Variants in RPS6KA2 observed in about 807,000 individuals in gnomAD.
RPS6KA2 encodes the protein ribosomal protein S6 kinase alpha-2.
In RPS6KA2, 42 loss-of-function variants were observed where a neutral mutation model predicts 91.8. The observed-to-expected ratio is 0.46, with a 90% CI of 0.36 to 0.59. The LOEUF (loss-of-function observed/expected upper bound fraction) is 0.59. RPS6KA2 is among the 20% of genes least tolerant of loss of function. The pLI is 0.00. For missense variants in RPS6KA2, 798 were observed against 978.5 expected, an observed-to-expected ratio of 0.82 and a Z score of 2.46; for synonymous variants, 414 against 393.6, an observed-to-expected ratio of 1.05 and a Z score of -0.61.
chr6:166,672,488 C>T (rs1291019396), intron 2 of RPS6KA2, among the ~76,000 whole-genome samples: 1 of 152,200 alleles, frequency 6.6e-6, no homozygotes, highest in Non-Finnish European at 1.5e-5. Context: ...ATCGTCTGGG[C>T]TCTGTGGGTG....
chr6:166,748,521 C>T (rs1008635560), intron 2 of RPS6KA2, among the ~76,000 whole-genome samples: 26 of 151,452 alleles, frequency 1.7e-4, no homozygotes, highest in Non-Finnish European at 3.2e-4. Flanking sequence ...TCCATGGGGG[C>T]CCCACCTCCT....
At chr6:166,667,786 T>C (rs1788355762) in intron 2 of RPS6KA2, among the ~76,000 whole-genome samples, 2 of 152,150 alleles carry the variant, frequency 1.3e-5, no homozygotes, top group Admixed American at 6.5e-5. Flanking sequence ...GCTAGGCGTT[T>C]TGAATGAGGT....
At chr6:166,846,590 C>T (rs762850006) in intron 2 of RPS6KA2, among the ~76,000 whole-genome samples, 4 of 152,150 alleles carry the variant, frequency 2.6e-5, no homozygotes, top group African/African-American at 4.8e-5. Context: ...AGCACATAAA[C>T]AGAATTAAAA....
intron 2 of RPS6KA2, among the ~76,000 whole-genome samples, chr6:166,704,541 A>T (rs1789622085): frequency 6.6e-6 from 1 of 152,234 alleles, no homozygotes; most frequent in Non-Finnish European, 1.5e-5. Context: ...CTATAACACA[A>T]AGGACTGTGA....
intron 1 of RPS6KA2, among the ~76,000 whole-genome samples, chr6:166,569,324 G>T (rs2128509058): frequency 6.6e-6 from 1 of 152,330 alleles, no homozygotes; most frequent in African/African-American, 2.4e-5. Flanking sequence ...ACCGAGGGCT[G>T]GGCGTCACGT....
At chr6:166,809,739 T>G (rs1405246476) in intron 2 of RPS6KA2, among the ~76,000 whole-genome samples, 1 of 152,188 alleles carries the variant, frequency 6.6e-6, no homozygotes, top group African/African-American at 2.4e-5. Flanking sequence ...TGCAGGTGGG[T>G]GCAGGTGGCA....
chr6:166,778,787 A>AT (rs936490695), intron 2 of RPS6KA2, among the ~76,000 whole-genome samples: 38 of 152,316 alleles, frequency 2.5e-4, no homozygotes, highest in African/African-American at 7.2e-4. Context: ...AGATTAACCC[A>AT]TTAACTCATG....
chr6:166,694,402 C>T (rs968776348), intron 2 of RPS6KA2, among the ~76,000 whole-genome samples: 7 of 152,352 alleles, frequency 4.6e-5, no homozygotes, highest in Middle Eastern at 3.4e-3. Context: ...TCTCCATTCA[C>T]GGTCTTCCAA....
intron 2 of RPS6KA2, among the ~76,000 whole-genome samples, chr6:166,729,254 G>T (rs370256570): frequency 6.6e-6 from 1 of 152,356 alleles, no homozygotes; most frequent in African/African-American, 2.4e-5. Context: ...CTGCCTACAA[G>T]CCCTGGTGCA....
intron 2 of RPS6KA2, among the ~76,000 whole-genome samples, chr6:166,640,705 G>T (rs929014649): frequency 1.3e-5 from 2 of 152,080 alleles, no homozygotes; most frequent in Non-Finnish European, 2.9e-5. Context: ...CAAAAATGAG[G>T]ATAAGGAGAT....
chr6:166,417,041 T>C (rs1046356647), intron 19 of RPS6KA2, among the ~76,000 whole-genome samples: 1 of 152,244 alleles, frequency 6.6e-6, no homozygotes, highest in African/African-American at 2.4e-5. Context: ...TGGTGCTGCT[T>C]ACCAGTGGCT....
chr6:166,527,304 GAGAAA>G (rs1783090102), intron 3 of RPS6KA2, among the ~76,000 whole-genome samples: 1 of 152,140 alleles, frequency 6.6e-6, no homozygotes. Context: ...ACGCTTGAAG[GAGAAA>G]AGGAGCTCTT....
rs561741185 is a variant in RPS6KA2, at chr6:166,429,202, T to C, written c.1581+1251A>G. Among the ~76,000 whole-genome samples, 43 of 146,284 alleles carry C rather than the reference T, an allele frequency of 2.9e-4. 1 individual carries two copies. The South Asian group carries it at 4.5e-3, about 15-fold the overall frequency. On this transcript the variant is annotated intron_variant, in intron 16 of 20. Coordinates refer to ENST00000265678, the MANE Select transcript of RPS6KA2 (RefSeq NM_021135.6). Reference sequence around the variant, plus strand: ...GTCGCAAGGACAAAAAACCAAACACTGCATGTTCTCACTCATACGTGGGAA... The same window carrying C: ...GTCGCAAGGACAAAAAACCAAACACCGCATGTTCTCACTCATACGTGGGAA...
At chr6:166,757,383 T>C (rs969309914) in intron 2 of RPS6KA2, 1 of 384,592 alleles carries the variant, frequency 2.6e-6, no homozygotes, top group Non-Finnish European at 5.3e-6. Flanking sequence ...CCGAGACCTG[T>C]GTTCATGATC....
At chr6:166,550,552 C>T (rs963541533) in intron 1 of RPS6KA2, among the ~76,000 whole-genome samples, 26 of 152,152 alleles carry the variant, frequency 1.7e-4, no homozygotes, top group African/African-American at 5.6e-4. Flanking sequence ...GTACAGATGG[C>T]GAACATGGAC....
At chr6:166,773,221 G>C (rs1049690777) in intron 2 of RPS6KA2, among the ~76,000 whole-genome samples, 1 of 152,160 alleles carries the variant, frequency 6.6e-6, no homozygotes, top group African/African-American at 2.4e-5. Context: ...ATCTGTGACT[G>C]TGCAGGTTGG....
At chr6:166,470,119 G>A (rs566902005) in intron 10 of RPS6KA2, among the ~76,000 whole-genome samples, 45 of 152,232 alleles carry the variant, frequency 3.0e-4, no homozygotes, top group African/African-American at 1.1e-3. Context: ...TGAGGCAGAG[G>A]TGGCCTGGGG....
At chr6:166,668,620 G>A (rs770994577) in intron 2 of RPS6KA2, among the ~76,000 whole-genome samples, 1 of 152,154 alleles carries the variant, frequency 6.6e-6, no homozygotes, top group Non-Finnish European at 1.5e-5. Flanking sequence ...GGGTGGTGTC[G>A]TGACAACCTG....
chr6:166,492,729 T>C (rs529039899), intron 8 of RPS6KA2, among the ~76,000 whole-genome samples: 1 of 151,308 alleles, frequency 6.6e-6, no homozygotes, highest in South Asian at 2.1e-4. Context: ...TCTTTTTTTT[T>C]TTTTTTGAGA....
Sources: gnomAD v4.1 joint callset for allele counts (sites outside exome capture counted in the v4.1 genomes callset) on GRCh38, gnomAD v4.1.1 for gene constraint, MANE v1.5 for transcripts, NCBI Gene and HGNC (gene_info 2026-07-23, HGNC 2026-07-21) for gene names.